RBFOX1: variants seen among roughly 807,000 people sequenced by gnomAD.
The protein encoded by RBFOX1 is RNA binding fox-1 homolog 1.
A neutral mutation model predicts 57.7 loss-of-function variants in RBFOX1; 8 were observed. That is an observed-to-expected ratio of 0.14 (90% CI 0.08 to 0.25). The LOEUF (loss-of-function observed/expected upper bound fraction) is 0.25, where lower values mean the gene tolerates loss of function less well. RBFOX1 is among the 10% of genes least tolerant of loss of function. RBFOX1 has a pLI of 1.00. For synonymous variants in RBFOX1, 326 were observed against 222.4 expected, an observed-to-expected ratio of 1.47 and a Z score of -4.15; for missense variants, 611 against 548.5, an observed-to-expected ratio of 1.11 and a Z score of -1.14.
At chr16:6,321,342 G>A (rs1432202353) in intron 2 of RBFOX1, among the ~76,000 whole-genome samples, 1 of 152,132 alleles carries the variant, frequency 6.6e-6, no homozygotes, top group African/African-American at 2.4e-5. Context: ...CAGGGGCTAG[G>A]TCAGAAGTGT....
chr16:5,411,794 G>C (rs1299472102), intron 1 of RBFOX1, among the ~76,000 whole-genome samples: 2 of 151,958 alleles, frequency 1.3e-5, no homozygotes, highest in Non-Finnish European at 2.9e-5. Flanking sequence ...GAGGTGGGAG[G>C]ATTGCTTGAG....
At chr16:6,370,501 C>G (rs866455603) in intron 2 of RBFOX1, among the ~76,000 whole-genome samples, 41 of 150,948 alleles carry the variant, frequency 2.7e-4, no homozygotes, top group Middle Eastern at 3.5e-3. Flanking sequence ...AAGCACGAGT[C>G]TTTTAAAAAG....
intron 4 of RBFOX1, among the ~76,000 whole-genome samples, chr16:7,453,747 G>A (rs1385951136): frequency 6.6e-6 from 1 of 152,188 alleles, no homozygotes; most frequent in Non-Finnish European, 1.5e-5. Context: ...CTAAGGAGAT[G>A]GAAGTCATAG....
intron 5 of RBFOX1, among the ~76,000 whole-genome samples, chr16:7,554,891 G>A (rs965393461): frequency 5.3e-5 from 8 of 152,118 alleles, no homozygotes; most frequent in Non-Finnish European, 1.2e-4. Context: ...TAGGGAGAAC[G>A]GAGTAACATA....
intron 3 of RBFOX1, among the ~76,000 whole-genome samples, chr16:5,815,291 GC>G (rs2055593238): frequency 6.6e-6 from 1 of 151,310 alleles, no homozygotes; most frequent in Admixed American, 6.6e-5. Flanking sequence ...ATCGTGCCTG[GC>G]CTGATTTCCT....
intron 3 of RBFOX1, among the ~76,000 whole-genome samples, chr16:6,848,179 C>CA (rs2093865890): frequency 1.3e-5 from 2 of 151,856 alleles, no homozygotes; most frequent in African/African-American, 4.8e-5. Flanking sequence ...CTGATCACAG[C>CA]CTCCTTGTGG....
chr16:7,677,126 T>TACACACACACAC (rs1314598196), intron 14 of RBFOX1, among the ~76,000 whole-genome samples: 110 of 51,242 alleles, frequency 2.1e-3, no homozygotes, highest in Non-Finnish European at 4.5e-3. Context: ...CTTGCTCACA[T>TACACACACACAC]ACACATACAC....
chr16:6,975,728 C>T (rs980009184), intron 3 of RBFOX1, among the ~76,000 whole-genome samples: 2 of 152,162 alleles, frequency 1.3e-5, no homozygotes, highest in African/African-American at 4.8e-5. Flanking sequence ...CTCATATGCT[C>T]ATAGGCTGAA....
chr16:7,571,499 T>C (rs1160449745), intron 5 of RBFOX1, among the ~76,000 whole-genome samples: 1 of 152,232 alleles, frequency 6.6e-6, no homozygotes, highest in Non-Finnish European at 1.5e-5. Context: ...CCCGTGGTTC[T>C]TTATTAAGGT....
chr16:6,727,191 C>T (rs945215290), intron 3 of RBFOX1, among the ~76,000 whole-genome samples: 1 of 152,024 alleles, frequency 6.6e-6, no homozygotes, highest in African/African-American at 2.4e-5. Flanking sequence ...AGGTGAGACT[C>T]ACTATCCTGC....
chr16:7,428,555 G>C (rs1284419460), intron 4 of RBFOX1, among the ~76,000 whole-genome samples: 2 of 148,186 alleles, frequency 1.3e-5, no homozygotes, highest in South Asian at 4.3e-4. Flanking sequence ...AGTTTTAGTA[G>C]AGACAGGGTT....
intron 2 of RBFOX1, among the ~76,000 whole-genome samples, chr16:6,514,603 C>G (rs1003289218): frequency 6.6e-6 from 1 of 152,200 alleles, no homozygotes; most frequent in Non-Finnish European, 1.5e-5. Context: ...GTTCCCCTCA[C>G]CACGCATTTG....
At chr16:5,435,291 G>A (rs545042580) in intron 1 of RBFOX1, among the ~76,000 whole-genome samples, 3 of 152,292 alleles carry the variant, frequency 2.0e-5, no homozygotes, top group South Asian at 4.1e-4. Context: ...TTCCTCTGCT[G>A]CATGTGGATC....
At chr16:5,730,792 C>G (rs562973765) in intron 3 of RBFOX1, among the ~76,000 whole-genome samples, 1 of 151,940 alleles carries the variant, frequency 6.6e-6, no homozygotes, top group Non-Finnish European at 1.5e-5. Flanking sequence ...AATGTTAACA[C>G]CATTACCACC....
intron 4 of RBFOX1, among the ~76,000 whole-genome samples, chr16:7,082,489 G>A (rs917808985): frequency 6.6e-6 from 1 of 151,770 alleles, no homozygotes; most frequent in Non-Finnish European, 1.5e-5. Context: ...GGCTGAGATG[G>A]GAGGATCGCT....
chr16:6,188,420 A>C (rs77653883), intron 1 of RBFOX1, among the ~76,000 whole-genome samples: 1 of 2,386 alleles, frequency 4.2e-4, no homozygotes. Flanking sequence ...GTTTTAGCCA[A>C]AAAAAAAAAA....
intron 10 of RBFOX1, among the ~76,000 whole-genome samples, chr16:7,610,238 G>A (rs537711616): frequency 1.4e-5 from 2 of 148,046 alleles, no homozygotes; most frequent in South Asian, 2.1e-4. Context: ...TTCTGCCTTA[G>A]CCTCTCGAGT....
chr16:6,425,668 G>A (rs2093904757), intron 2 of RBFOX1, among the ~76,000 whole-genome samples: 1 of 152,120 alleles, frequency 6.6e-6, no homozygotes, highest in Non-Finnish European at 1.5e-5. Context: ...AGGCATTTCT[G>A]TGGGGAAGAT....
chr16:6,238,764 TTAATGTTTAA>T (rs2097524607), intron 1 of RBFOX1, among the ~76,000 whole-genome samples: 1 of 152,206 alleles, frequency 6.6e-6, no homozygotes, highest in Non-Finnish European at 1.5e-5. Context: ...TAAAATGTTT[TTAATGTTTAA>T]TTTTTGTGGT....
Sources: gnomAD v4.1 joint callset for allele counts (sites outside exome capture counted in the v4.1 genomes callset) on GRCh38, gnomAD v4.1.1 for gene constraint, MANE v1.5 for transcripts, NCBI Gene and HGNC (gene_info 2026-07-23, HGNC 2026-07-21) for gene names.